Variants in SIPA1L2 observed in about 807,000 individuals in gnomAD.
SIPA1L2 encodes the protein signal induced proliferation associated 1 like 2.
A neutral mutation model predicts 163.9 loss-of-function variants in SIPA1L2; 56 were observed. The ratio of observed to expected loss-of-function variants is 0.34; its 90% confidence interval spans 0.28 to 0.43. SIPA1L2 has a LOEUF of 0.43. Among genes scored for constraint, SIPA1L2 ranks in the 20% least tolerant of loss-of-function variants. The pLI, the probability that SIPA1L2 is intolerant of heterozygous loss-of-function variation, is 1.00. For synonymous variants in SIPA1L2, 877 were observed against 865.7 expected (o/e 1.01, Z -0.23); for missense variants, 1,974 against 2,193.5 (o/e 0.90, Z 2.00).
intron 1 of SIPA1L2, among the ~76,000 whole-genome samples, chr1:232,621,434 A>G (rs1284648384): frequency 6.6e-6 from 1 of 152,032 alleles, no homozygotes; most frequent in Non-Finnish European, 1.5e-5. Context: ...AACCTACCAT[A>G]CCTTACAAGT....
At chr1:232,565,309 A>G (rs1659340382) in intron 2 of SIPA1L2, among the ~76,000 whole-genome samples, 1 of 152,186 alleles carries the variant, frequency 6.6e-6, no homozygotes, top group Non-Finnish European at 1.5e-5. Flanking sequence ...TTTTCACTAA[A>G]TCAAACTGTT....
chr1:232,580,613 C>T (rs886898552), intron 1 of SIPA1L2, among the ~76,000 whole-genome samples: 1 of 152,156 alleles, frequency 6.6e-6, no homozygotes, highest in Admixed American at 6.5e-5. Context: ...AAGGTTGCCT[C>T]ATGATGCAGA....
chr1:232,502,139 G>A (rs898799750), intron 3 of SIPA1L2, among the ~76,000 whole-genome samples: 3 of 152,108 alleles, frequency 2.0e-5, no homozygotes, highest in African/African-American at 7.2e-5. Context: ...TACTTATCAC[G>A]TGCTTAACCT....
rs766855272 is a variant in SIPA1L2 at position 232,432,298 on chromosome 1, T to G, written c.4205A>C (p.Lys1402Thr). The G allele has an allele frequency of 1.2e-6, 2 of 1,614,146 alleles. No homozygotes were observed. Among genetic ancestry groups the G allele is most frequent in the Admixed American group, 1.7e-5 (1 of 60,024 alleles). ...AVNKYVIGWK[K>T]SEGSPPPEEP... ...CTCGGGCGGTGGGCTGCCCTCCGAT[T>G]TCTTCCAGCCGATGACATATTTGTT... Residue 1402 changes from lysine to threonine, a missense_variant, in exon 16 of 23, where the codon AAA becomes ACA. Physicochemically the swap from Lys to Thr is moderately conservative, Grantham distance 78 (BLOSUM62 -1). Transcript: ENST00000674635.
Position 232,514,165 on chromosome 1 carries a change from T to C in SIPA1L2, c.1175A>G (p.Asn392Ser). 1 of 1,614,226 alleles carries C rather than the reference T, an allele frequency of 6.2e-7. No individual in the cohort carries two copies. Among genetic ancestry groups the C allele is most frequent in the South Asian group, 1.1e-5 (1 of 91,084 alleles). The change falls in exon 3 of 23, where the codon AAC (asparagine) becomes AGC (serine). Residue 392 changes from asparagine (N) to serine (S), a missense_variant. Asn to Ser is a conservative substitution (Grantham distance 46, BLOSUM62 1). Transcript: ENST00000674635. ...CCCATCACCCTCATCGGCATCCAGG[T>C]TCTCTTTGGAGTTGAGGTCCTCCTT... ...GSKEDLNSKE[N>S]LDADEGDGKS...
chr1:232,514,396 C>T lies in SIPA1L2; in HGVS notation c.944G>A (p.Arg315Gln), dbSNP rs374694454. Reference sequence around the variant, plus strand: ...CCAAGGGCGAATGCCCCTCTCCAGTCGGCTCTCCTCCAGCTCAGACGTGAA... The same window carrying T: ...CCAAGGGCGAATGCCCCTCTCCAGTTGGCTCTCCTCCAGCTCAGACGTGAA... ...FKFTSELEES[R>Q]LERGIRPWNC... Residue 315 changes from arginine to glutamine, a missense_variant, in exon 3 of 23, where the codon CGA becomes CAA. Coordinates refer to ENST00000674635, the MANE Select transcript of SIPA1L2 (RefSeq NM_020808.5). 1.1e-5 allele frequency: 18 copies of T among 1,613,908 alleles called. No homozygotes were observed. The highest frequency in any genetic ancestry group is 1.4e-5 in the Non-Finnish European group (17 of 1,180,052).
chr1:232,462,024 A>AT (rs1219599507), intron 9 of SIPA1L2, among the ~76,000 whole-genome samples: 3 of 152,280 alleles, frequency 2.0e-5, no homozygotes, highest in Middle Eastern at 3.4e-3. Flanking sequence ...CCTGTCTCCT[A>AT]GGGGCTGAGG....
At chr1:232,469,066 G>A (rs1366422753) in intron 8 of SIPA1L2, among the ~76,000 whole-genome samples, 1 of 152,128 alleles carries the variant, frequency 6.6e-6, no homozygotes, top group African/African-American at 2.4e-5. Flanking sequence ...TTCTGCTCAG[G>A]CAGGTACACC....
chr1:232,480,505 T>C (rs1300850413), intron 6 of SIPA1L2, among the ~76,000 whole-genome samples: 1 of 152,170 alleles, frequency 6.6e-6, no homozygotes, highest in Admixed American at 6.5e-5. Flanking sequence ...CTTTGTAAAT[T>C]CAAACTCCAT....
Position 232,425,575 on chromosome 1 carries a change from A to T in SIPA1L2, c.4630+14T>A, listed in dbSNP as rs1254651316. On this transcript the variant is annotated intron_variant, in intron 18 of 22. Coordinates refer to ENST00000674635, the MANE Select transcript of SIPA1L2 (RefSeq NM_020808.5). Reference sequence around the variant, plus strand: ...CCTCGGCGCTGGCCAGGGAGCAGCCAGCCCCTCACTTACTTCTCAGGCTCC... The same window carrying T: ...CCTCGGCGCTGGCCAGGGAGCAGCCTGCCCCTCACTTACTTCTCAGGCTCC... The T allele has an allele frequency of 6.4e-7, 1 of 1,550,928 alleles. No individual in the cohort carries two copies. Among genetic ancestry groups the T allele is most frequent in the Non-Finnish European group, 8.7e-7 (1 of 1,142,872 alleles).
chr1:232,532,755 A>C (rs1409127044), intron 2 of SIPA1L2, among the ~76,000 whole-genome samples: 1 of 152,198 alleles, frequency 6.6e-6, no homozygotes, highest in Non-Finnish European at 1.5e-5. Context: ...TATATGACCC[A>C]ATCACGGCAA....
At chr1:232,481,468 C>CG (rs35228889) in intron 6 of SIPA1L2, among the ~76,000 whole-genome samples, 3 of 151,854 alleles carry the variant, frequency 2.0e-5, no homozygotes, top group East Asian at 3.9e-4. Context: ...AGATGCATTG[C>CG]GGGGGGGAAA....
chr1:232,592,553 T>C (rs925143117), intron 1 of SIPA1L2, among the ~76,000 whole-genome samples: 3 of 152,188 alleles, frequency 2.0e-5, no homozygotes, highest in Non-Finnish European at 2.9e-5. Flanking sequence ...TGATTTATCA[T>C]GTAGTCTATA....
In SIPA1L2 at chr1:232,528,102, A is replaced by ATATATATATATATATATATATC. The variant is rs34779799; in HGVS notation, c.-269-12495_-269-12494insGATATATATATATATATATATA. On this transcript the variant is annotated intron_variant, in intron 2 of 22. Coordinates refer to ENST00000674635, the MANE Select transcript of SIPA1L2 (RefSeq NM_020808.5). ...TTTATATATATATATATATATATATAATCAACTTTCTAAAAACCACAGGTA... is the reference window on the plus strand; with the variant it reads ...TTTATATATATATATATATATATATATATATATATATATATATATATCATCAACTTTCTAAAAACCACAGGTA... Among the ~76,000 whole-genome samples the ATATATATATATATATATATATC allele has an allele frequency of 5.5e-3, 656 of 118,422 alleles. 79 individuals carry two copies. The highest frequency in any genetic ancestry group is 0.014 in the African/African-American group (392 of 28,920). 77.7% of individuals were successfully genotyped at this position (118,422 alleles called of 152,430 possible).
intron 2 of SIPA1L2, among the ~76,000 whole-genome samples, chr1:232,521,075 T>TC (rs2103059996): frequency 6.6e-6 from 1 of 152,314 alleles, no homozygotes; most frequent in South Asian, 2.1e-4. Flanking sequence ...AACATGAAAA[T>TC]AAGTTCTTAA....
chr1:232,501,768 G>A (rs905670773), intron 3 of SIPA1L2, among the ~76,000 whole-genome samples: 2 of 152,172 alleles, frequency 1.3e-5, no homozygotes, highest in African/African-American at 4.8e-5. Context: ...TTATCCAAGG[G>A]TGCCTGGCTC....
intron 2 of SIPA1L2, among the ~76,000 whole-genome samples, chr1:232,558,121 A>G (rs1201794064): frequency 1.3e-5 from 2 of 152,216 alleles, no homozygotes; most frequent in Non-Finnish European, 2.9e-5. Context: ...AAACCTCCCC[A>G]GACAGCTTGA....
At chr1:232,563,281 A>T (rs1659150661) in intron 2 of SIPA1L2, among the ~76,000 whole-genome samples, 1 of 152,212 alleles carries the variant, frequency 6.6e-6, no homozygotes, top group South Asian at 2.1e-4. Flanking sequence ...TCTGCACCTA[A>T]GCTCTTGTGG....
chr1:232,470,474 T>A (rs890699695), intron 8 of SIPA1L2, among the ~76,000 whole-genome samples: 2 of 152,202 alleles, frequency 1.3e-5, no homozygotes, highest in African/African-American at 4.8e-5. Flanking sequence ...AAATACAGAC[T>A]AATTTCTCTT....
Sources: gnomAD v4.1 joint callset for allele counts (sites outside exome capture counted in the v4.1 genomes callset) on GRCh38, gnomAD v4.1.1 for gene constraint, MANE v1.5 for transcripts, NCBI Gene and HGNC (gene_info 2026-07-23, HGNC 2026-07-21) for gene names.